STK26: variants seen among roughly 807,000 people sequenced by gnomAD.
STK26 encodes the protein serine/threonine-protein kinase 26.
In STK26, 14 loss-of-function variants were observed where a neutral mutation model predicts 34.7. The ratio of observed to expected loss-of-function variants is 0.40; its 90% confidence interval spans 0.27 to 0.63. The LOEUF (loss-of-function observed/expected upper bound fraction) is 0.63. Ranked by LOEUF, STK26 falls within the 30% of genes least tolerant of loss-of-function variation. STK26 has a pLI of 0.38. For missense variants in STK26, 226 were observed against 309.1 expected (o/e 0.73, Z 2.02); for synonymous variants, 100 against 109.8 (o/e 0.91, Z 0.56).
intron 2 of STK26, among the ~76,000 whole-genome samples, chrX:132,039,985 C>T (rs938511591): frequency 1.8e-5 from 2 of 111,664 alleles, no homozygotes; most frequent in Non-Finnish European, 3.8e-5. Context: ...CTAGATGCAC[C>T]GGAGAGCAGT....
chrX:132,052,057 G>A (rs1200434247), intron 2 of STK26, among the ~76,000 whole-genome samples: 1 of 110,354 alleles, frequency 9.1e-6, no homozygotes, highest in Non-Finnish European at 1.9e-5. Context: ...GGATGGAGAG[G>A]GAGCTGACTT....
chrX:132,023,595 G>C lies in STK26; in HGVS notation c.-23G>C. 1.7e-6 allele frequency: 2 copies of C among 1,170,074 alleles called. No individual in the cohort carries two copies. The highest frequency in any genetic ancestry group is 6.4e-5 in the East Asian group (2 of 31,070). ...CCCAAGGCGCCACCGCCGCAGAAGC[G>C]GAGCGAGGCAGCATTCGCCTCCATG... On this transcript the variant is annotated 5_prime_UTR_variant, in exon 2 of 12. Coordinates refer to ENST00000394334, the MANE Select transcript of STK26 (RefSeq NM_016542.4).
intron 2 of STK26, among the ~76,000 whole-genome samples, chrX:132,044,798 G>GAGAGATCTATATATATATTTATATAT (rs1569330295): frequency 3.1e-5 from 1 of 32,506 alleles, no homozygotes; most frequent in Non-Finnish European, 5.6e-5. Flanking sequence ...TATATATATA[G>GAGAGATCTATATATATATTTATATAT]AGAGAGATCT....
At chrX:132,058,329 C>T (rs918885123) in intron 3 of STK26, among the ~76,000 whole-genome samples, 12 of 109,592 alleles carry the variant, frequency 1.1e-4, no homozygotes, top group East Asian at 2.9e-4. Flanking sequence ...GACTGAATCC[C>T]GGTATTTCCA....
At chrX:132,032,154 G>C (rs1440511548) in intron 2 of STK26, among the ~76,000 whole-genome samples, 1 of 111,625 alleles carries the variant, frequency 9.0e-6, no homozygotes, top group African/African-American at 3.3e-5. Context: ...GCCTTCCCCT[G>C]ACAGCAGCCT....
rs1363322123 is a variant in STK26 at position 132,075,306 on chromosome X, T to C, written c.*1147T>C. The C allele has an allele frequency of 1.8e-5, 2 of 111,207 alleles. No homozygotes were observed. Among genetic ancestry groups the C allele is most frequent in the Non-Finnish European group, 3.8e-5 (2 of 52,844 alleles). The allele number at this position is 111,207 out of a possible 1,213,427, so 9.2% of individuals were successfully genotyped here. ...GCCTTTTTCTTTTAAGCCCAGTACA[T>C]ATATTATGCCTGCCTAAGTTCTGAA... On this transcript the variant is annotated 3_prime_UTR_variant, in exon 12 of 12. Transcript: ENST00000394334.
chrX:132,051,265 C>T (rs763848310), intron 2 of STK26, among the ~76,000 whole-genome samples: 1 of 111,668 alleles, frequency 9.0e-6, no homozygotes, highest in South Asian at 3.8e-4. Flanking sequence ...ATGATACCTT[C>T]TGAATAAGAC....
chrX:132,058,173 G>T (rs1470196620), intron 3 of STK26, among the ~76,000 whole-genome samples: 2 of 110,908 alleles, frequency 1.8e-5, no homozygotes, highest in African/African-American at 6.6e-5. Context: ...GAGTGATTAC[G>T]CAGTCTCAGT....
intron 2 of STK26, among the ~76,000 whole-genome samples, chrX:132,046,828 A>G (rs1239787366): frequency 1.8e-5 from 2 of 112,018 alleles, no homozygotes; most frequent in Non-Finnish European, 3.8e-5. Context: ...TATCCCTACT[A>G]CATTTCATTT....
At chrX:132,029,018 G>A (rs1925724653) in intron 2 of STK26, among the ~76,000 whole-genome samples, 1 of 112,367 alleles carries the variant, frequency 8.9e-6, no homozygotes, top group South Asian at 3.7e-4. Context: ...AGACCAGCTG[G>A]AACAAAATAA....
chrX:132,069,856 A>T (rs1927357728), intron 7 of STK26, among the ~76,000 whole-genome samples, 193 bp downstream of exon 7: 1 of 108,956 alleles, frequency 9.2e-6, no homozygotes, highest in Non-Finnish European at 1.9e-5. Flanking sequence ...TTTTCTCCTT[A>T]CCCTTCGTTT....
chrX:132,065,504 A>G (rs1484480810), intron 4 of STK26, among the ~76,000 whole-genome samples: 2 of 112,001 alleles, frequency 1.8e-5, no homozygotes, highest in African/African-American at 3.2e-5. Context: ...ACCCCAACCA[A>G]TGACCCAAAT....
chrX:132,065,082 T>C (rs1342712486), intron 4 of STK26, among the ~76,000 whole-genome samples: 1 of 111,885 alleles, frequency 8.9e-6, no homozygotes, highest in Non-Finnish European at 1.9e-5. Context: ...TTTGGTAATC[T>C]TTCCTTGTGT....
rs1569330298 is a variant in STK26 at position 132,044,800 on chromosome X, GAGAGATCTATATATATATTTATATATAT to G, written c.43-9825_43-9798del. On this transcript the variant is annotated intron_variant, in intron 2 of 11. Transcript: ENST00000394334. The stretch of plus-strand genomic sequence containing the variant: ...CTATATATATATTTATATATATAGA[GAGAGATCTATATATATATTTATATATAT>G]AGAGAGAGATCTATATATATATTTA... Among the ~76,000 whole-genome samples the G allele has an allele frequency of 3.1e-3, 173 of 55,163 alleles. 15 individuals carry two copies. The highest frequency in any genetic ancestry group is 0.013 in the African/African-American group (160 of 12,008). The allele number at this position is 55,163 out of a possible 115,157, so 47.9% of individuals were successfully genotyped here. A position where few individuals can be genotyped will look rare whatever the true frequency, so the allele number is the denominator to read the frequency against.
intron 2 of STK26, among the ~76,000 whole-genome samples, chrX:132,031,370 A>G (rs1252564634): frequency 8.9e-6 from 1 of 112,305 alleles, no homozygotes; most frequent in Non-Finnish European, 1.9e-5. Context: ...CTTTCTGAAA[A>G]CATACAATAA....
chrX:132,072,677 A>C, intron 9 of STK26, 136 bp from the exon 10 acceptor site: 3 of 627,390 alleles, frequency 4.8e-6, no homozygotes, highest in Admixed American at 3.2e-5. Context: ...GATAGGAAGA[A>C]AGCTTAGAGA....
At position 132,069,410 on chromosome X, in the gene STK26, CATATATATATATATATATATATATAT is replaced by C. The variant is rs57609807; in HGVS notation, c.598-51_598-26del. 3.6e-3 allele frequency: 342 copies of C among 93,812 alleles called. 45 individuals carry two copies. Among genetic ancestry groups the C allele is most frequent in the South Asian group, 0.035 (41 of 1,167 alleles). The allele number at this position is 93,812 out of a possible 1,213,427, so 7.7% of individuals were successfully genotyped here. A position where few individuals can be genotyped will look rare whatever the true frequency, so the allele number is the denominator to read the frequency against. On this transcript the variant is annotated intron_variant, in intron 6 of 11. Transcript: ENST00000394334. The stretch of plus-strand genomic sequence containing the variant: ...TTTCAAGGTGATATACATACATACA[CATATATATATATATATATATATATAT>C]ATATATATATATATATTATTTTCTT...
In STK26 at chrX:132,023,637, C is replaced by A; in HGVS notation, c.20C>A (p.Ala7Asp). The A allele has an allele frequency of 8.5e-7, 1 of 1,179,040 alleles. No homozygotes were observed. Among genetic ancestry groups the A allele is most frequent in the Non-Finnish European group, 1.1e-6 (1 of 878,940 alleles). The change falls in exon 2 of 12, where the codon GCT (alanine) becomes GAT (aspartate). Residue 7 changes from alanine to aspartate, a missense_variant. Physicochemically the swap from Ala to Asp is moderately radical, Grantham distance 126. Around this residue, in one of 2 missense-constraint regions of STK26, gnomAD observed 100 missense variants for 176.7 expected, o/e 0.57. Coordinates refer to ENST00000394334, the MANE Select transcript of STK26 (RefSeq NM_016542.4). ...GCCTCCATGGCCCACTCGCCGGTGG[C>A]TGTCCAAGTGCCTGGGATGCAGGTG... MAHSPV[A>D]VQVPGMQNNI...
chrX:132,034,111 C>CATATATATATAT (rs35610755), intron 2 of STK26, among the ~76,000 whole-genome samples: 6 of 94,867 alleles, frequency 6.3e-5, no homozygotes, highest in Admixed American at 2.4e-4. Context: ...ATAATAAATA[C>CATATATATATAT]ATATATATAT....
Sources: gnomAD v4.1 joint callset for allele counts (sites outside exome capture counted in the v4.1 genomes callset) on GRCh38, gnomAD v4.1.1 for gene constraint, gnomAD v4.1.1 regional missense constraint, MANE v1.5 for transcripts, NCBI Gene and HGNC (gene_info 2026-07-23, HGNC 2026-07-21) for gene names.